Variants in CNNM1 observed in about 807,000 individuals in gnomAD.
The protein encoded by CNNM1 is metal transporter CNNM1.
CNNM1 carries 44 observed loss-of-function variants against 78.8 expected under a neutral mutation model. The ratio of observed to expected loss-of-function variants is 0.56; its 90% confidence interval spans 0.44 to 0.72. CNNM1 has a LOEUF of 0.72. Among genes scored for constraint, CNNM1 ranks in the 30% least tolerant of loss-of-function variants. CNNM1 has a pLI of 0.00. For synonymous variants in CNNM1, 584 were observed against 581.5 expected (o/e 1.00, Z -0.06); for missense variants, 1,101 against 1,292.2 (o/e 0.85, Z 2.27).
intron 1 of CNNM1, among the ~76,000 whole-genome samples, chr10:99,336,170 T>C (rs920348445): frequency 2.0e-5 from 3 of 152,238 alleles, no homozygotes; most frequent in African/African-American, 4.8e-5. Context: ...TAAGATTACA[T>C]TGGAGCTGGA....
chr10:99,368,553 T>C (rs2031696487), intron 6 of CNNM1: 1 of 1,075,644 alleles, frequency 9.3e-7, no homozygotes, highest in Non-Finnish European at 1.3e-6. Context: ...GTTCTTTGTC[T>C]CTTTCCTTTT....
chr10:99,348,691 A>G (rs2030809804), intron 1 of CNNM1, among the ~76,000 whole-genome samples: 1 of 152,202 alleles, frequency 6.6e-6, no homozygotes, highest in African/African-American at 2.4e-5. Context: ...AGGAGTTCCT[A>G]TTTGGGTAAG....
intron 7 of CNNM1, among the ~76,000 whole-genome samples, chr10:99,382,270 A>G: frequency 6.6e-6 from 1 of 152,252 alleles, no homozygotes; most frequent in Non-Finnish European, 1.5e-5. Flanking sequence ...ATGGTAGTTA[A>G]TAAGTTATGA....
chr10:99,329,686 G>A lies in CNNM1; in HGVS notation c.299G>A (p.Gly100Asp), dbSNP rs756210325. 4 of 1,554,356 alleles carry A rather than the reference G, an allele frequency of 2.6e-6. No individual in the cohort carries two copies. In the South Asian group the frequency reaches 4.7e-5, roughly 18 times the overall value. ...CTCAACTCGGGGGAGAATGGCACCGGCGACTGGGCTCCGCGGCTCGTGTTC... is the reference window on the plus strand; with the variant it reads ...CTCAACTCGGGGGAGAATGGCACCGACGACTGGGCTCCGCGGCTCGTGTTC... ...PTLNSGENGT[G>D]DWAPRLVFIE... The change falls in exon 1 of 11, where the codon GGC becomes GAC. Residue 100 changes from glycine (G) to aspartate (D), a missense_variant. Gly to Asp is a moderately conservative substitution (Grantham distance 94). This residue lies in a region of CNNM1 where 476 missense variants were observed against 484.5 expected (regional missense o/e 0.98). Transcript: ENST00000356713.
chr10:99,373,557 G>T (rs1481795704), intron 6 of CNNM1, among the ~76,000 whole-genome samples: 3 of 152,186 alleles, frequency 2.0e-5, no homozygotes, highest in East Asian at 1.9e-4. Context: ...TCATCAATTT[G>T]CTTTCTCTTT....
At chr10:99,368,802 C>A in intron 6 of CNNM1, 1 of 570,174 alleles carries the variant, frequency 1.8e-6, no homozygotes. Context: ...GTGACTAAGG[C>A]ATAGCACTTT....
At chr10:99,385,069 TAAA>T (rs1310447001) in intron 7 of CNNM1, among the ~76,000 whole-genome samples, 1 of 150,294 alleles carries the variant, frequency 6.7e-6, no homozygotes, top group Non-Finnish European at 1.5e-5. Context: ...AAAAAAAAAT[TAAA>T]AAAAGAGTGG....
At chr10:99,363,524 G>T (rs7911350) in intron 4 of CNNM1, among the ~76,000 whole-genome samples, 94,160 of 151,910 alleles carry the variant, frequency 0.62, 29,466 homozygotes, top group Non-Finnish European at 0.67. Flanking sequence ...TAACTAACCT[G>T]GACCAAGTTA....
chr10:99,389,811 G>T (rs565354834), intron 9 of CNNM1, among the ~76,000 whole-genome samples: 1 of 152,198 alleles, frequency 6.6e-6, no homozygotes, highest in South Asian at 2.1e-4. Flanking sequence ...TTGGTGGTAA[G>T]GCTTGGCCCC....
At chr10:99,358,433 G>T (rs1037474183) in intron 2 of CNNM1, among the ~76,000 whole-genome samples, 1 of 152,178 alleles carries the variant, frequency 6.6e-6, no homozygotes, top group Non-Finnish European at 1.5e-5. Flanking sequence ...GTTTCCTCCT[G>T]AGAATTTCAT....
At chr10:99,369,756 A>C (rs2031740347) in intron 6 of CNNM1, among the ~76,000 whole-genome samples, 1 of 152,110 alleles carries the variant, frequency 6.6e-6, no homozygotes, top group African/African-American at 2.4e-5. Context: ...TTGCTTTGTG[A>C]GAGCTCATGC....
At chr10:99,377,250 C>A (rs1384300215) in intron 7 of CNNM1, 32 bp downstream of exon 7, 1 of 1,606,002 alleles carries the variant, frequency 6.2e-7, no homozygotes, top group South Asian at 1.1e-5. Context: ...TCCTCTCCCT[C>A]CCAGTGGGCA....
chr10:99,360,962 C>T lies in CNNM1; in HGVS notation c.1845C>T (p.Arg615=). ...ISPQLLLATH[R]FMATEVEPFK... ...CACAGCTTCTGCTAGCCACACACCG[C>T]TTCATGGCCACAGGTAGGACAAGTC... is the stretch of plus-strand genomic sequence containing the variant. The change falls in exon 3 of 11, where the codon CGC becomes CGT. Residue 615 remains arginine (R), a synonymous_variant. Coordinates refer to ENST00000356713, the MANE Select transcript of CNNM1 (RefSeq NM_020348.3). 1 of 1,608,546 alleles carries T rather than the reference C, an allele frequency of 6.2e-7. No homozygotes were observed. The highest frequency in any genetic ancestry group is 8.5e-7 in the Non-Finnish European group (1 of 1,176,080).
intron 7 of CNNM1, among the ~76,000 whole-genome samples, chr10:99,383,987 T>G (rs2032233470): frequency 6.7e-6 from 1 of 149,390 alleles, no homozygotes; most frequent in Non-Finnish European, 1.5e-5. Flanking sequence ...AATGTAAAAT[T>G]CCTCACTAAT....
chr10:99,352,019 G>T (rs961759185), intron 1 of CNNM1, among the ~76,000 whole-genome samples: 3 of 152,010 alleles, frequency 2.0e-5, no homozygotes, highest in Admixed American at 6.5e-5. Context: ...CTTTTAAAGT[G>T]CACACTTAAT....
chr10:99,356,484 G>C (rs1255067851), intron 1 of CNNM1, among the ~76,000 whole-genome samples: 2 of 47,462 alleles, frequency 4.2e-5, no homozygotes. Context: ...CAGAAAGAAA[G>C]AAAGAGAGAG....
intron 9 of CNNM1, among the ~76,000 whole-genome samples, chr10:99,388,545 GA>G (rs778078731): frequency 6.6e-5 from 10 of 152,210 alleles, no homozygotes; most frequent in Non-Finnish European, 1.2e-4. Context: ...TTTCTGCCTG[GA>G]TTCAGACCCT....
chr10:99,371,333 A>G (rs2031795319), intron 6 of CNNM1, among the ~76,000 whole-genome samples: 1 of 152,136 alleles, frequency 6.6e-6, no homozygotes, highest in South Asian at 2.1e-4. Context: ...TAAAAATGAA[A>G]CTTCTGATCA....
chr10:99,361,100 T>A (rs910656936), intron 3 of CNNM1, 125 bp downstream of exon 3: 2 of 1,095,956 alleles, frequency 1.8e-6, no homozygotes, highest in South Asian at 2.0e-5. Context: ...AGCACTGTTC[T>A]AGGAAGGAGG....
Sources: allele counts gnomAD v4.1 joint callset (sites outside exome capture counted in the v4.1 genomes callset), GRCh38; gene constraint gnomAD v4.1.1; regional missense constraint gnomAD v4.1.1; transcripts MANE v1.5; gene names NCBI Gene and HGNC (gene_info 2026-07-23, HGNC 2026-07-21).